The following CACNA1E variants were observed in gnomAD, a reference collection of about 807,000 sequenced individuals.
The protein encoded by CACNA1E is calcium voltage-gated channel subunit alpha1 E, also known as voltage-dependent R-type calcium channel subunit alpha-1E.
A neutral mutation model predicts 259.2 loss-of-function variants in CACNA1E; 40 were observed. The observed-to-expected ratio is 0.15, with a 90% CI of 0.12 to 0.20. The LOEUF (loss-of-function observed/expected upper bound fraction) is 0.20. CACNA1E is among the 10% of genes least tolerant of loss of function. The pLI, the probability that CACNA1E is intolerant of heterozygous loss-of-function variation, is 1.00. For synonymous variants in CACNA1E, 1,104 were observed against 1,138.5 expected, an observed-to-expected ratio of 0.97 and a Z score of 0.61; for missense variants, 1,874 against 3,040.1, an observed-to-expected ratio of 0.62 and a Z score of 9.02.
intron 3 of CACNA1E, among the ~76,000 whole-genome samples, chr1:181,559,184 G>T (rs1649053806): frequency 6.6e-6 from 1 of 152,210 alleles, no homozygotes. Flanking sequence ...GGCTGTTACT[G>T]CAAGTGTAAT....
rs147643182 is a variant in CACNA1E at position 181,604,948 on chromosome 1, G to C, written c.951+24172G>C. The stretch of plus-strand genomic sequence containing the variant: ...CAAATTCCCAGTGTGGGAGACATGA[G>C]AGAGGCCTCATTTGTCACTCTGAGT... On this transcript the variant is annotated intron_variant, in intron 6 of 47. Transcript: ENST00000367573. 5.1e-4 allele frequency among the ~76,000 whole-genome samples: 78 copies of C among 152,270 alleles called. No individual in the cohort carries two copies. The East Asian group carries it at 0.015, about 29-fold the overall frequency.
intron 36 of CACNA1E, among the ~76,000 whole-genome samples, 179 bp from the exon 37 acceptor site, chr1:181,771,887 A>G (rs1420266562): frequency 1.3e-5 from 2 of 152,280 alleles, no homozygotes; most frequent in South Asian, 2.1e-4. Context: ...AGAACCCAAA[A>G]CAGACCTCAG....
intron 39 of CACNA1E, among the ~76,000 whole-genome samples, chr1:181,782,021 G>A (rs3767020): frequency 0.051 from 7,821 of 152,234 alleles, 248 homozygotes; most frequent in Middle Eastern, 0.11. Flanking sequence ...TAGGAGAGAG[G>A]AAAACTCATA....
chr1:181,502,266 C>T (rs1056709805), intron 1 of CACNA1E, among the ~76,000 whole-genome samples: 1 of 152,130 alleles, frequency 6.6e-6, no homozygotes, highest in Admixed American at 6.5e-5. Context: ...AAAGTATGGA[C>T]TACCCAAATA....
At chr1:181,453,375 C>T (rs4126694) in intron 2 of CACNA1E, among the ~76,000 whole-genome samples, 64,672 of 152,052 alleles carry the variant, frequency 0.43, 15,240 homozygotes, top group African/African-American at 0.65. Flanking sequence ...CCTTTCTCCT[C>T]TTCTTAAATA....
At chr1:181,745,393 GC>G (rs774998292) in intron 25 of CACNA1E, 11 of 488,490 alleles carry the variant, frequency 2.3e-5, no homozygotes, top group Non-Finnish European at 3.2e-5. Flanking sequence ...TGGGATCTCA[GC>G]CCGTGGCCAC....
At chr1:181,751,523 T>C (rs781006718) in intron 26 of CACNA1E, among the ~76,000 whole-genome samples, 3 of 152,194 alleles carry the variant, frequency 2.0e-5, no homozygotes, top group African/African-American at 4.8e-5. Flanking sequence ...ACATGCTTTC[T>C]CTGGAACACG....
Position 181,535,419 on chromosome 1 carries a change from C to T in CACNA1E, c.512+23909C>T, listed in dbSNP as rs1454599517. On this transcript the variant is annotated intron_variant, in intron 3 of 47. Coordinates refer to ENST00000367573, the MANE Select transcript of CACNA1E (RefSeq NM_001205293.3). ...GCAATTCTGACTTTTAAAAATTCAC[C>T]ACCAACATCATCACAAAACTTTTGT... Among the ~76,000 whole-genome samples the T allele has an allele frequency of 2.0e-5, 3 of 152,236 alleles. No homozygotes were observed. In the East Asian group the frequency reaches 5.8e-4, roughly 29 times the overall value.
intron 2 of CACNA1E, among the ~76,000 whole-genome samples, chr1:181,465,547 T>A (rs1217099046): frequency 2.0e-5 from 3 of 152,152 alleles, no homozygotes; most frequent in African/African-American, 7.2e-5. Context: ...CTGTATACTG[T>A]GGAGTTTCCT....
intron 1 of CACNA1E, among the ~76,000 whole-genome samples, chr1:181,373,204 G>A (rs1208620333): frequency 1.3e-5 from 2 of 152,160 alleles, no homozygotes; most frequent in Non-Finnish European, 2.9e-5. Flanking sequence ...ACTTCAGTAG[G>A]ATTGGTACCA....
chr1:181,599,669 T>A (rs1212002692), intron 6 of CACNA1E, among the ~76,000 whole-genome samples: 1 of 152,226 alleles, frequency 6.6e-6, no homozygotes, highest in Non-Finnish European at 1.5e-5. Flanking sequence ...TTGCATATCG[T>A]GTGGCATGTA....
At chr1:181,578,775 A>G (rs1297819078) in intron 4 of CACNA1E, among the ~76,000 whole-genome samples, 2 of 152,196 alleles carry the variant, frequency 1.3e-5, no homozygotes, top group African/African-American at 4.8e-5. Context: ...TGTGGGTCAA[A>G]GGATATGGCA....
At chr1:181,724,356 G>T in intron 16 of CACNA1E, 114 bp from the exon 17 acceptor site, 1 of 758,184 alleles carries the variant, frequency 1.3e-6, no homozygotes, top group East Asian at 2.7e-5. Flanking sequence ...TGACTCTTCA[G>T]GGTAGCTTCT....
At chr1:181,675,713 A>C (rs899404610) in intron 7 of CACNA1E, among the ~76,000 whole-genome samples, 9 of 152,242 alleles carry the variant, frequency 5.9e-5, no homozygotes, top group African/African-American at 9.6e-5. Flanking sequence ...AGAGGCTGTG[A>C]GCCCTTCTTG....
intron 6 of CACNA1E, among the ~76,000 whole-genome samples, chr1:181,614,878 A>G (rs1412493812): frequency 2.0e-5 from 3 of 152,306 alleles, no homozygotes; most frequent in Middle Eastern, 3.4e-3. Context: ...AATTGTTGCA[A>G]ACGTCCAAAT....
intron 6 of CACNA1E, among the ~76,000 whole-genome samples, chr1:181,584,683 C>T (rs1651880217): frequency 6.6e-6 from 1 of 152,152 alleles, no homozygotes. Context: ...TATGAAGTTC[C>T]TCTCATTTTG....
chr1:181,344,197 A>G (rs977185612), intron 1 of CACNA1E, among the ~76,000 whole-genome samples: 1 of 152,216 alleles, frequency 6.6e-6, no homozygotes, highest in African/African-American at 2.4e-5. Context: ...TGAGGGCAAC[A>G]GTTGGGTCCT....
chr1:181,531,900 C>CA (rs1009072797), intron 3 of CACNA1E, among the ~76,000 whole-genome samples: 20 of 152,102 alleles, frequency 1.3e-4, no homozygotes, highest in African/African-American at 4.8e-4. Context: ...ACCAAAAATA[C>CA]AAAAAATTAC....
At chr1:181,727,149 G>A (rs1239584405) in intron 18 of CACNA1E, among the ~76,000 whole-genome samples, 1 of 152,200 alleles carries the variant, frequency 6.6e-6, no homozygotes. Flanking sequence ...AACAATGATT[G>A]GGGAAGGTTG....
Sources: gnomAD v4.1 joint callset for allele counts (sites outside exome capture counted in the v4.1 genomes callset) on GRCh38, gnomAD v4.1.1 for gene constraint, MANE v1.5 for transcripts, NCBI Gene and HGNC (gene_info 2026-07-23, HGNC 2026-07-21) for gene names.